Variants in MOV10 observed in about 807,000 individuals in gnomAD.
MOV10 encodes Mov10 RNA helicase, also known as RNA helicase MOV-10.
A neutral mutation model predicts 108.4 loss-of-function variants in MOV10; 39 were observed. That is an observed-to-expected ratio of 0.36 (90% CI 0.28 to 0.47). MOV10 has a LOEUF of 0.47. Among genes scored for constraint, MOV10 ranks in the 20% least tolerant of loss-of-function variants. The pLI, the probability that MOV10 is intolerant of heterozygous loss-of-function variation, is 1.00. For missense variants in MOV10, 952 were observed against 1,297.6 expected, an observed-to-expected ratio of 0.73 and a Z score of 4.09; for synonymous variants, 490 against 523.1, an observed-to-expected ratio of 0.94 and a Z score of 0.86.
Position 112,698,512 on chromosome 1 carries a change from C to T in MOV10, c.2508+34C>T, listed in dbSNP as rs2306939. ...CTCAGTTACCAGCAAGGGTGGGGCCCCTCCCCCAGATGGTACCTCCTTAAT... is the reference window on the plus strand; with the variant it reads ...CTCAGTTACCAGCAAGGGTGGGGCCTCTCCCCCAGATGGTACCTCCTTAAT... On this transcript the variant is annotated intron_variant, in intron 16 of 20. Transcript: ENST00000369645. 8.1e-3 allele frequency: 13,056 copies of T among 1,602,042 alleles called. 353 individuals carry two copies. The East Asian group carries it at 0.096, about 12-fold the overall frequency.
Position 112,675,428 on chromosome 1 carries a change from G to A in MOV10, c.137+379G>A, listed in dbSNP as rs1285306989. Among the ~76,000 whole-genome samples, 4 of 152,216 alleles carry A rather than the reference G, an allele frequency of 2.6e-5. No individual in the cohort carries two copies. Among genetic ancestry groups the A allele is most frequent in the Non-Finnish European group, 4.4e-5 (3 of 68,030 alleles). The stretch of plus-strand genomic sequence containing the variant: ...CTCCAGAGGGGGCCCAGGCATCGCG[G>A]GAGCGCGGGTTAGAGGCTGCCTGTT... On this transcript the variant is annotated intron_variant, in intron 2 of 20. Coordinates refer to ENST00000369645, the MANE Select transcript of MOV10 (RefSeq NM_001321324.2). The surrounding 1 kb of genome is among the most constrained non-coding windows in gnomAD (Gnocchi z 4.7).
intron 5 of MOV10, among the ~76,000 whole-genome samples, chr1:112,690,414 C>T (rs565932090): frequency 2.6e-5 from 4 of 152,076 alleles, no homozygotes; most frequent in Admixed American, 2.0e-4. Context: ...GGCTGGAGTG[C>T]GGTGGTGTGA....
intron 2 of MOV10, among the ~76,000 whole-genome samples, chr1:112,685,327 G>C (rs1047946556): frequency 1.3e-5 from 2 of 151,808 alleles, no homozygotes; most frequent in African/African-American, 4.8e-5. Flanking sequence ...ATAGCTGCTG[G>C]TTTCCAGTCT....
intron 16 of MOV10, 39 bp downstream of exon 16, chr1:112,698,517 C>A (rs771423127): frequency 6.3e-7 from 1 of 1,594,810 alleles, no homozygotes. Context: ...GGGCCCCTCC[C>A]CCAGATGGTA....
At chr1:112,696,372 G>GA in intron 12 of MOV10, 65 bp from the exon 13 acceptor site, 1 of 1,467,088 alleles carries the variant, frequency 6.8e-7, no homozygotes, top group Non-Finnish European at 9.6e-7. Flanking sequence ...GCCAGCCTGG[G>GA]AAAGCATTCA....
chr1:112,699,966 G>A lies in MOV10; in HGVS notation c.2782G>A (p.Asp928Asn). Residue 928 changes from aspartate to asparagine, a missense_variant, in exon 19 of 21, where the codon GAC (aspartate) becomes AAC (asparagine). Physicochemically the swap from Asp to Asn is conservative, Grantham distance 23. Transcript: ENST00000369645. ...IVGNPLLLGH[D>N]PDWKVFLEFC... Reference sequence around the variant, plus strand: ...GGGGAACCCCCTTCTCCTGGGCCATGACCCTGACTGGAAAGTGTGAGCATT... The same window carrying A: ...GGGGAACCCCCTTCTCCTGGGCCATAACCCTGACTGGAAAGTGTGAGCATT... 6.2e-7 allele frequency: 1 copy of A among 1,614,218 alleles called. No homozygotes were observed. Among genetic ancestry groups the A allele is most frequent in the Non-Finnish European group, 8.5e-7 (1 of 1,180,032 alleles).
intron 17 of MOV10, 75 bp downstream of exon 17, chr1:112,698,864 C>T: frequency 7.8e-7 from 1 of 1,289,226 alleles, no homozygotes. Flanking sequence ...CTTCCTCAAG[C>T]TTCCACTCCA....
At chr1:112,688,000 T>G (rs1673220022) in intron 2 of MOV10, among the ~76,000 whole-genome samples, 1 of 152,032 alleles carries the variant, frequency 6.6e-6, no homozygotes, top group African/African-American at 2.4e-5. Context: ...TCCTCAGGAC[T>G]CAGTTCTTAT....
Position 112,698,692 on chromosome 1 carries a change from A to T in MOV10, c.2509-23A>T, listed in dbSNP as rs766309748. Reference sequence around the variant, plus strand: ...GCATTAGGTTAATGGCACGAGAGAAAGGCACCTGTCCCCTCCTTCCAGGTG... The same window carrying T: ...GCATTAGGTTAATGGCACGAGAGAATGGCACCTGTCCCCTCCTTCCAGGTG... On this transcript the variant is annotated intron_variant, in intron 16 of 20. Transcript: ENST00000369645. 3.2e-5 allele frequency: 52 copies of T among 1,610,452 alleles called. No individual in the cohort carries two copies. In the East Asian group the frequency reaches 1.1e-3, roughly 35 times the overall value.
Position 112,674,993 on chromosome 1 carries a change from C to T in MOV10, c.81C>T (p.Asp27=). 4.4e-6 allele frequency: 7 copies of T among 1,583,800 alleles called. No homozygotes were observed. Among genetic ancestry groups the T allele is most frequent in the Non-Finnish European group, 5.1e-6 (6 of 1,166,050 alleles). ...GTTTCCTGGTCGTTCGGGGACTGGA[C>T]ATGGAGACAGATCGCGAGCGGCTGC... ...FESFLVVRGL[D]METDRERLRT... is the part of the protein sequence containing the mutation. The change falls in exon 2 of 21, where the codon GAC becomes GAT. Residue 27 remains aspartate (D), a synonymous_variant. Transcript: ENST00000369645.
chr1:112,690,068 A>C lies in MOV10; in HGVS notation c.806A>C (p.Asn269Thr), dbSNP rs1446661219. ...TRITGNPVVT[N>T]RIEEGERPDR... is the part of the protein sequence containing the mutation. ...ATCACCGGAAACCCTGTGGTGACCA[A>C]TCGGATAGAGGAAGGAGAGAGACCT... Residue 269 changes from asparagine (N) to threonine (T), a missense_variant, in exon 5 of 21, where the codon AAT becomes ACT. By Grantham distance (65) the Asn-to-Thr change is moderately conservative. Coordinates refer to ENST00000369645, the MANE Select transcript of MOV10 (RefSeq NM_001321324.2). 1.2e-6 allele frequency: 2 copies of C among 1,613,848 alleles called. No individual in the cohort carries two copies. The highest frequency in any genetic ancestry group is 1.7e-6 in the Non-Finnish European group (2 of 1,180,022).
chr1:112,698,732 C>T lies in MOV10; in HGVS notation c.2526C>T (p.Tyr842=), dbSNP rs1416992596. 1.9e-6 allele frequency: 3 copies of T among 1,614,178 alleles called. No individual in the cohort carries two copies. Among genetic ancestry groups the T allele is most frequent in the Non-Finnish European group, 2.5e-6 (3 of 1,179,988 alleles). The stretch of plus-strand genomic sequence containing the variant: ...CCTTCCAGGTGGAGAAAATCCGTTA[C>T]TGCATCACCAAACTTGACAGGGAGC... The part of the protein sequence containing the change: ...PYRKQVEKIR[Y]CITKLDRELR... Residue 842 remains tyrosine, a synonymous_variant, in exon 17 of 21, where the codon TAC becomes TAT. Coordinates refer to ENST00000369645, the MANE Select transcript of MOV10 (RefSeq NM_001321324.2).
chr1:112,699,062 T>G, intron 17 of MOV10: 8 of 421,638 alleles, frequency 1.9e-5, no homozygotes, highest in Admixed American at 4.1e-5. Context: ...AAAGTCCAAA[T>G]TCCGTGGCCT....
At chr1:112,685,788 TG>T (rs1673036725) in intron 2 of MOV10, among the ~76,000 whole-genome samples, 1 of 152,226 alleles carries the variant, frequency 6.6e-6, no homozygotes, top group Non-Finnish European at 1.5e-5. Flanking sequence ...AAATAATTTT[TG>T]TATGACTGTT....
intron 2 of MOV10, among the ~76,000 whole-genome samples, chr1:112,682,104 A>T (rs1295872027): frequency 6.6e-6 from 1 of 152,174 alleles, no homozygotes; most frequent in Admixed American, 6.5e-5. Context: ...CATGTTGGCC[A>T]GGCTGGTCTT....
intron 6 of MOV10, 120 bp from the exon 7 acceptor site, chr1:112,692,641 C>T: frequency 7.4e-7 from 1 of 1,358,578 alleles, no homozygotes; most frequent in Non-Finnish European, 9.9e-7. Flanking sequence ...CTAGTCTTCT[C>T]TGCTTTTTGA....
rs746766229 is a variant in MOV10, at chr1:112,689,961, C to T, written c.699C>T (p.Tyr233=). The change falls in exon 5 of 21, where the codon TAC becomes TAT. Residue 233 remains tyrosine, a synonymous_variant. Transcript: ENST00000369645. The part of the protein sequence containing the change: ...ESGSEGAGTF[Y]IARFLAAVAH... ...GTTCAGAAGGAGCCGGCACATTCTA[C>T]ATTGCCCGCTTCTTGGCTGCCGTCG... is the stretch of plus-strand genomic sequence containing the variant. The T allele has an allele frequency of 5.6e-6, 9 of 1,614,182 alleles. No homozygotes were observed. In the East Asian group the frequency reaches 1.3e-4, roughly 24 times the overall value.
At chr1:112,681,993 T>A (rs1311355960) in intron 2 of MOV10, among the ~76,000 whole-genome samples, 1 of 151,982 alleles carries the variant, frequency 6.6e-6, no homozygotes, top group Non-Finnish European at 1.5e-5. Flanking sequence ...CCTCTGGGAT[T>A]CAAGCAATTC....
rs769193814 is a variant in MOV10 at position 112,691,779 on chromosome 1, T to C, written c.951T>C (p.Pro317=). The C allele has an allele frequency of 3.7e-6, 6 of 1,614,062 alleles. No individual in the cohort carries two copies. The East Asian group carries it at 1.3e-4, about 36-fold the overall frequency. ...AGGGAACAAGTATCTTCACTGCCCC[T>C]AAGGAGATCGCAGAGATCAAGTAAG... ...LLQGTSIFTA[P]KEIAEIKAQL... Residue 317 remains proline (P), a synonymous_variant, in exon 6 of 21, where the codon CCT becomes CCC. Transcript: ENST00000369645.
Sources: allele counts gnomAD v4.1 joint callset (sites outside exome capture counted in the v4.1 genomes callset), GRCh38; gene constraint gnomAD v4.1.1; non-coding constraint Gnocchi (gnomAD v3.1); transcripts MANE v1.5; gene names NCBI Gene and HGNC (gene_info 2026-07-23, HGNC 2026-07-21).